Variants in SUMF1 observed in about 807,000 individuals in gnomAD.
SUMF1 encodes formylglycine-generating enzyme.
A neutral mutation model predicts 47.6 loss-of-function variants in SUMF1; 48 were observed. The observed-to-expected ratio is 1.01, with a 90% CI of 0.80 to 1.28. SUMF1 has a LOEUF of 1.28. Among genes scored for constraint, SUMF1 ranks in the 50% most tolerant of loss-of-function variants. SUMF1 has a pLI of 0.00. For missense variants in SUMF1, 571 were observed against 485.4 expected, an observed-to-expected ratio of 1.18 and a Z score of -1.66; for synonymous variants, 230 against 192.1, an observed-to-expected ratio of 1.20 and a Z score of -1.63.
intron 8 of SUMF1, among the ~76,000 whole-genome samples, chr3:4,291,674 G>T (rs941037270): frequency 2.0e-5 from 3 of 151,994 alleles, no homozygotes; most frequent in Non-Finnish European, 4.4e-5. Context: ...TCTTTATATA[G>T]ACCTTTGGGG....
At chr3:4,259,729 A>G (rs1269840468) in intron 8 of SUMF1, among the ~76,000 whole-genome samples, 1 of 152,316 alleles carries the variant, frequency 6.6e-6, no homozygotes, top group Non-Finnish European at 1.5e-5. Context: ...CACAAAGCCT[A>G]ATGGCAAAAG....
In SUMF1 at chr3:4,399,097, G is replaced by A. The variant is rs112920028; in HGVS notation, c.954+11768C>T. ...TATTTTGAGGATATGAGAACGAGAGGGGGCGGAGGGATGGGGAAAACGCAT... is the reference window on the plus strand; with the variant it reads ...TATTTTGAGGATATGAGAACGAGAGAGGGCGGAGGGATGGGGAAAACGCAT... On this transcript the variant is annotated intron_variant, in intron 7 of 8. Coordinates refer to ENST00000272902, the MANE Select transcript of SUMF1 (RefSeq NM_182760.4). 4.9e-3 allele frequency among the ~76,000 whole-genome samples: 744 copies of A among 152,232 alleles called. 8 individuals are homozygous for A. The highest frequency in any genetic ancestry group is 0.017 in the African/African-American group (708 of 41,542).
At chr3:4,253,519 G>C (rs974184387) in intron 8 of SUMF1, among the ~76,000 whole-genome samples, 3 of 151,716 alleles carry the variant, frequency 2.0e-5, no homozygotes, top group Non-Finnish European at 2.9e-5. Context: ...CTGGAAAATC[G>C]GGTCACTCCC....
chr3:4,216,828 C>T (rs1289516526), intron 8 of SUMF1, among the ~76,000 whole-genome samples: 1 of 152,140 alleles, frequency 6.6e-6, no homozygotes, highest in Non-Finnish European at 1.5e-5. Context: ...CATCTCATGC[C>T]AGTTAGAATG....
At chr3:4,166,078 G>A (rs2125118866) in intron 8 of SUMF1, among the ~76,000 whole-genome samples, 1 of 152,234 alleles carries the variant, frequency 6.6e-6, no homozygotes, top group South Asian at 2.1e-4. Context: ...GTCAGATTTA[G>A]TGGCCCTTAC....
intron 7 of SUMF1, 28 bp from the exon 8 acceptor site, chr3:4,376,417 A>T (rs371813371): frequency 6.2e-7 from 1 of 1,613,190 alleles, no homozygotes; most frequent in Non-Finnish European, 8.5e-7. Context: ...AGGCTATGTT[A>T]GACCAGAAGG....
chr3:4,203,486 G>T (rs530834910), intron 8 of SUMF1, among the ~76,000 whole-genome samples: 1 of 152,034 alleles, frequency 6.6e-6, no homozygotes, highest in African/African-American at 2.4e-5. Flanking sequence ...TCATGTAAGT[G>T]AAGTGTTTTT....
At chr3:4,204,821 CT>C in intron 8 of SUMF1, among the ~76,000 whole-genome samples, 1 of 98,906 alleles carries the variant, frequency 1.0e-5, no homozygotes, top group South Asian at 4.0e-4. Flanking sequence ...TCCAGGATCT[CT>C]GCTTGATTTT....
At chr3:4,071,255 C>T (rs1331937059) in intron 8 of SUMF1, among the ~76,000 whole-genome samples, 1 of 152,122 alleles carries the variant, frequency 6.6e-6, no homozygotes, top group Non-Finnish European at 1.5e-5. Flanking sequence ...GTGATTTCTG[C>T]ATTTCCAACT....
rs73133357 is a variant in SUMF1, at chr3:4,232,681, T to C, written c.1014+143649A>G. Among the ~76,000 whole-genome samples, 1,450 of 152,160 alleles carry C rather than the reference T, an allele frequency of 9.5e-3. 27 individuals are homozygous for C. Among genetic ancestry groups the C allele is most frequent in the African/African-American group, 0.033 (1,371 of 41,478 alleles). ...TGTTTGGTTATCATTTAATAAATTA[T>C]TCAAGGCCATATGGTATTTTTTTTT... On this transcript the variant is annotated intron_variant and NMD_transcript_variant, in intron 8 of 12. Coordinates refer to the SUMF1 transcript ENST00000448413.
At chr3:4,344,032 T>C (rs1699323765) in intron 8 of SUMF1, among the ~76,000 whole-genome samples, 1 of 152,248 alleles carries the variant, frequency 6.6e-6, no homozygotes, top group Non-Finnish European at 1.5e-5. Context: ...TATGACTCAA[T>C]TTTGTTTTAT....
In SUMF1 at chr3:4,226,459, G is replaced by A. The variant is rs148430880; in HGVS notation, c.1014+149871C>T. 3.0e-3 allele frequency among the ~76,000 whole-genome samples: 451 copies of A among 151,582 alleles called. 3 individuals are homozygous for A. The highest frequency in any genetic ancestry group is 0.01 in the African/African-American group (431 of 41,332). ...TAATTTTTGTCTTTTTAGTAGAGAC[G>A]GGGTTTCACCATGGTGGCCAGGATG... On this transcript the variant is annotated intron_variant and NMD_transcript_variant, in intron 8 of 12. Transcript: ENST00000448413.
chr3:4,129,002 C>T (rs934428416), intron 8 of SUMF1, among the ~76,000 whole-genome samples: 1 of 152,086 alleles, frequency 6.6e-6, no homozygotes, highest in Non-Finnish European at 1.5e-5. Flanking sequence ...AGGAAAGGAT[C>T]CAAAGGCTTA....
intron 8 of SUMF1, among the ~76,000 whole-genome samples, chr3:4,318,911 AACAC>A (rs1698756751): frequency 6.6e-6 from 1 of 152,218 alleles, no homozygotes; most frequent in African/African-American, 2.4e-5. Flanking sequence ...CTCTCAAAAA[AACAC>A]AAAAAAAGCC....
At chr3:4,317,262 C>T (rs1483888763) in intron 8 of SUMF1, 2 of 1,496,056 alleles carry the variant, frequency 1.3e-6, no homozygotes, top group South Asian at 1.3e-5. Context: ...ATGCGTTGAG[C>T]CTAGTTATAA....
intron 8 of SUMF1, chr3:4,303,228 G>T: frequency 2.3e-6 from 2 of 864,144 alleles, no homozygotes; most frequent in Non-Finnish European, 3.3e-6. Context: ...AAAAGTCAAG[G>T]AAGGGAAGCG....
At chr3:4,122,050 C>A (rs1693557129) in intron 8 of SUMF1, among the ~76,000 whole-genome samples, 1 of 152,046 alleles carries the variant, frequency 6.6e-6, no homozygotes, top group Non-Finnish European at 1.5e-5. Context: ...TGATCGCGTT[C>A]TTTTTTTATG....
intron 8 of SUMF1, among the ~76,000 whole-genome samples, chr3:4,074,415 T>C (rs1011816065): frequency 4.6e-5 from 7 of 151,652 alleles, no homozygotes; most frequent in African/African-American, 1.7e-4. Context: ...CACCATAACA[T>C]CACAATTAGA....
At chr3:4,163,709 G>A (rs754753429) in intron 8 of SUMF1, among the ~76,000 whole-genome samples, 1 of 151,694 alleles carries the variant, frequency 6.6e-6, no homozygotes, top group South Asian at 2.1e-4. Context: ...ACAACATCTG[G>A]GTTTCCTAAC....
Sources: gnomAD v4.1 joint callset for allele counts (sites outside exome capture counted in the v4.1 genomes callset) on GRCh38, gnomAD v4.1.1 for gene constraint, MANE v1.5 for transcripts, NCBI Gene and HGNC (gene_info 2026-07-23, HGNC 2026-07-21) for gene names.